EPHA6: variants seen among roughly 807,000 people sequenced by gnomAD.
EPHA6 encodes the protein EPH receptor A6, also known as ephrin type-A receptor 6.
A neutral mutation model predicts 112.0 loss-of-function variants in EPHA6; 50 were observed. The observed-to-expected ratio is 0.45, with a 90% CI of 0.36 to 0.56. EPHA6 has a LOEUF of 0.56. Among genes scored for constraint, EPHA6 ranks in the 20% least tolerant of loss-of-function variants. The pLI is 0.00. For missense variants in EPHA6, 1,280 were observed against 1,417.4 expected, an observed-to-expected ratio of 0.90 and a Z score of 1.56; for synonymous variants, 529 against 490.7, an observed-to-expected ratio of 1.08 and a Z score of -1.03.
chr3:97,646,568 G>T (rs553172484), intron 14 of EPHA6, among the ~76,000 whole-genome samples: 1 of 152,078 alleles, frequency 6.6e-6, no homozygotes. Flanking sequence ...AGGGCCAATT[G>T]TGAAACAGCT....
At chr3:97,099,414 C>A (rs2047339619) in intron 3 of EPHA6, among the ~76,000 whole-genome samples, 1 of 151,758 alleles carries the variant, frequency 6.6e-6, no homozygotes, top group South Asian at 2.1e-4. Flanking sequence ...TTTTGATATT[C>A]ACTAATATTT....
chr3:97,408,619 C>G (rs1245145768), intron 6 of EPHA6, among the ~76,000 whole-genome samples: 5 of 152,010 alleles, frequency 3.3e-5, no homozygotes, highest in African/African-American at 7.2e-5. Flanking sequence ...GCTCCAGAAG[C>G]TTTGGCATTG....
intron 5 of EPHA6, among the ~76,000 whole-genome samples, chr3:97,311,090 T>C (rs1185461050): frequency 6.6e-6 from 1 of 151,598 alleles, no homozygotes; most frequent in Non-Finnish European, 1.5e-5. Context: ...GTTAGTGTTT[T>C]TTGCAAGTCT....
intron 12 of EPHA6, among the ~76,000 whole-genome samples, chr3:97,597,966 C>T (rs973156209): frequency 6.6e-6 from 1 of 151,944 alleles, no homozygotes; most frequent in Non-Finnish European, 1.5e-5. Flanking sequence ...GAAATGTACA[C>T]TAAGCTAAGG....
chr3:97,376,763 A>C (rs1001946841), intron 5 of EPHA6, among the ~76,000 whole-genome samples: 1 of 152,232 alleles, frequency 6.6e-6, no homozygotes, highest in Non-Finnish European at 1.5e-5. Flanking sequence ...AGAAAGTAAG[A>C]GAACAATGCT....
chr3:97,314,487 A>G (rs1422853118), intron 5 of EPHA6, among the ~76,000 whole-genome samples: 1 of 151,658 alleles, frequency 6.6e-6, no homozygotes, highest in Non-Finnish European at 1.5e-5. Flanking sequence ...ATTATAATCA[A>G]TGTCTTAGAT....
chr3:97,091,028 C>A (rs187599510), intron 3 of EPHA6, among the ~76,000 whole-genome samples: 2 of 151,864 alleles, frequency 1.3e-5, no homozygotes, highest in African/African-American at 4.8e-5. Context: ...AGCCATTTAC[C>A]AAAAATTCTA....
At chr3:97,481,727 T>C (rs1374675908) in intron 9 of EPHA6, among the ~76,000 whole-genome samples, 4 of 145,396 alleles carry the variant, frequency 2.8e-5, no homozygotes, top group African/African-American at 1.0e-4. Flanking sequence ...TTTTATACAG[T>C]AAGTCTGACT....
chr3:97,105,021 G>T (rs2047521863), intron 3 of EPHA6, among the ~76,000 whole-genome samples: 1 of 151,274 alleles, frequency 6.6e-6, no homozygotes, highest in African/African-American at 2.4e-5. Context: ...TGTTTATATG[G>T]ATCTTCTCTC....
chr3:97,568,147 G>A (rs1219795890), intron 11 of EPHA6, among the ~76,000 whole-genome samples: 1 of 152,052 alleles, frequency 6.6e-6, no homozygotes, highest in Admixed American at 6.5e-5. Context: ...AGGCCCTGGA[G>A]GATAAGTCTC....
chr3:96,826,089 ATTTC>A (rs1325839760), intron 1 of EPHA6, among the ~76,000 whole-genome samples: 2 of 151,948 alleles, frequency 1.3e-5, no homozygotes, highest in African/African-American at 4.8e-5. Context: ...AGATTAATAT[ATTTC>A]TTCTATAATC....
At chr3:96,971,481 C>A (rs2042315902) in intron 2 of EPHA6, among the ~76,000 whole-genome samples, 1 of 152,026 alleles carries the variant, frequency 6.6e-6, no homozygotes, top group Non-Finnish European at 1.5e-5. Context: ...AATGCAGAGC[C>A]TTCACTTTTC....
chr3:97,294,909 C>G lies in EPHA6; in HGVS notation c.1606+50622C>G, dbSNP rs183523294. 4.6e-5 allele frequency among the ~76,000 whole-genome samples: 7 copies of G among 152,250 alleles called. No individual in the cohort carries two copies. In the East Asian group the frequency reaches 1.4e-3, roughly 29 times the overall value. ...AGAACATTGAATATATTTTTCCATT[C>G]TCACATAGCCTATAAGGTTTCTTTA... On this transcript the variant is annotated intron_variant, in intron 5 of 17. Coordinates refer to ENST00000389672, the MANE Select transcript of EPHA6 (RefSeq NM_001080448.3).
chr3:97,600,150 C>T (rs1205957559), intron 12 of EPHA6, among the ~76,000 whole-genome samples: 2 of 150,866 alleles, frequency 1.3e-5, no homozygotes, highest in African/African-American at 4.9e-5. Context: ...TGCTTATCAG[C>T]TGAAGGAGAT....
intron 3 of EPHA6, among the ~76,000 whole-genome samples, chr3:97,079,870 T>G (rs72920208): frequency 6.6e-6 from 1 of 151,660 alleles, no homozygotes; most frequent in African/African-American, 2.4e-5. Flanking sequence ...AAAAAAATTA[T>G]GACTTGCTGA....
chr3:97,578,877 G>A (rs2093412112), intron 11 of EPHA6, among the ~76,000 whole-genome samples: 2 of 152,060 alleles, frequency 1.3e-5, no homozygotes, highest in South Asian at 4.1e-4. Flanking sequence ...TAAAAATTTG[G>A]TCAGTCAATA....
chr3:97,032,332 A>T (rs535632411), intron 3 of EPHA6, among the ~76,000 whole-genome samples: 1 of 152,228 alleles, frequency 6.6e-6, no homozygotes, highest in African/African-American at 2.4e-5. Context: ...AAGCATTAGG[A>T]GATATACCTA....
intron 3 of EPHA6, among the ~76,000 whole-genome samples, chr3:97,062,711 T>A (rs1482236373): frequency 6.6e-6 from 1 of 152,184 alleles, no homozygotes; most frequent in African/African-American, 2.4e-5. Flanking sequence ...AAACCCCTCT[T>A]GCTTGGTTCT....
rs181658232 is a variant in EPHA6 at position 97,662,474 on chromosome 3, C to T, written c.2784+24392C>T. On this transcript the variant is annotated intron_variant, in intron 14 of 17. Coordinates refer to ENST00000389672, the MANE Select transcript of EPHA6 (RefSeq NM_001080448.3). ...TGCAGTAAGGACCTCTCACCTGCAG[C>T]GTTCAGACTGAAGGCGACAAAACAA... Among the ~76,000 whole-genome samples the T allele has an allele frequency of 6.6e-5, 10 of 152,230 alleles. No individual in the cohort carries two copies. The East Asian group carries it at 1.9e-3, about 29-fold the overall frequency.
Sources: allele counts gnomAD v4.1 joint callset (sites outside exome capture counted in the v4.1 genomes callset), GRCh38; gene constraint gnomAD v4.1.1; transcripts MANE v1.5; gene names NCBI Gene and HGNC (gene_info 2026-07-23, HGNC 2026-07-21).